The following ZMYM2 variants were observed in gnomAD, a reference collection of about 807,000 sequenced individuals.
The protein encoded by ZMYM2 is zinc finger MYM-type protein 2.
In ZMYM2, 56 loss-of-function variants were observed where a neutral mutation model predicts 162.8. The ratio of observed to expected loss-of-function variants is 0.34; its 90% CI spans 0.28 to 0.43. The LOEUF (loss-of-function observed/expected upper bound fraction) is 0.43, where lower values mean the gene tolerates loss of function less well. Ranked by LOEUF, ZMYM2 falls within the 20% of genes least tolerant of loss-of-function variation. The pLI, the probability that ZMYM2 is intolerant of heterozygous loss-of-function variation, is 1.00. For missense variants in ZMYM2, 1,275 were observed against 1,621.8 expected, an observed-to-expected ratio of 0.79 and a Z score of 3.67; for synonymous variants, 510 against 541.6, an observed-to-expected ratio of 0.94 and a Z score of 0.81.
intron 6 of ZMYM2, among the ~76,000 whole-genome samples, chr13:20,011,682 C>A (rs866835422): frequency 4.7e-5 from 7 of 150,434 alleles, no homozygotes; most frequent in African/African-American, 1.7e-4. Context: ...TTGGTTCAAG[C>A]GATTCTCTTG....
intron 18 of ZMYM2, among the ~76,000 whole-genome samples, chr13:20,063,816 A>AATATATAAATATATATTTATATATTAT (rs1956422439): frequency 1.4e-5 from 2 of 146,882 alleles, no homozygotes; most frequent in African/African-American, 2.5e-5. Flanking sequence ...TAATATATAT[A>AATATATAAATATATATTTATATATTAT]ATACATAAAT....
the ZMYM2 span, among the ~76,000 whole-genome samples, chr13:19,886,309 C>T: frequency 6.6e-6 from 1 of 150,982 alleles, no homozygotes; most frequent in Non-Finnish European, 1.5e-5. Flanking sequence ...GGATTACAGG[C>T]GTACACCACC....
At chr13:19,994,046 T>C in intron 3 of ZMYM2, 127 bp downstream of exon 3, 1 of 1,148,522 alleles carries the variant, frequency 8.7e-7, no homozygotes, top group Non-Finnish European at 1.2e-6. Context: ...TTATATTGAA[T>C]TTTATCTTAA....
intron 13 of ZMYM2, 27 bp from the exon 14 acceptor site, chr13:20,052,250 T>C (rs1000818637): frequency 1.3e-6 from 2 of 1,535,800 alleles, no homozygotes; most frequent in South Asian, 1.2e-5. Context: ...GTATTTGTCT[T>C]ATTTTAAATT....
At chr13:20,019,061 C>G (rs937705183) in intron 6 of ZMYM2, among the ~76,000 whole-genome samples, 1 of 103,570 alleles carries the variant, frequency 9.7e-6, no homozygotes, top group Non-Finnish European at 2.0e-5. Context: ...GCGTGGGTGA[C>G]AAAGCAAAAA....
chr13:19,927,430 C>G, the ZMYM2 span, among the ~76,000 whole-genome samples: 598 of 152,282 alleles, frequency 3.9e-3, 4 homozygotes, highest in Middle Eastern at 0.024. Flanking sequence ...AGTTATGATA[C>G]TCTATGTGGT....
chr13:20,025,279 A>C, intron 7 of ZMYM2: 1 of 200,784 alleles, frequency 5.0e-6, no homozygotes, highest in Non-Finnish European at 1.0e-5. Flanking sequence ...GAAAATGGAT[A>C]CAATTATTTT....
At chr13:20,005,281 G>T in intron 5 of ZMYM2, 42 bp downstream of exon 5, 1 of 1,392,998 alleles carries the variant, frequency 7.2e-7, no homozygotes, top group South Asian at 1.4e-5. Flanking sequence ...TAACAAATAG[G>T]AATATTTTAA....
chr13:20,052,286 G>T lies in ZMYM2; in HGVS notation c.2468G>T (p.Cys823Phe), dbSNP rs1258200730. Reference protein sequence around the residue: ...GPENLHYDQGCQTSRTKMTGS... With the variant: ...GPENLHYDQGFQTSRTKMTGS... The stretch of plus-strand genomic sequence containing the variant: ...TTTTTGTGTTTTTTAGATCAGGGTT[G>T]TCAGACATCTCGAACCAAAATGACA... Residue 823 changes from cysteine (C) to phenylalanine (F), a missense_variant, in exon 14 of 25, where the codon TGT (cysteine) becomes TTT (phenylalanine). This residue lies in a region of ZMYM2 where 177 missense variants were observed against 228.0 expected (regional missense o/e 0.78). Transcript: ENST00000610343. The T allele has an allele frequency of 1.3e-6, 2 of 1,568,038 alleles. No homozygotes were observed. The highest frequency in any genetic ancestry group is 4.6e-5 in the East Asian group (2 of 43,162).
At chr13:20,059,323 T>C (rs1294253588) in intron 15 of ZMYM2, 124 bp from the exon 16 acceptor site, 1 of 892,712 alleles carries the variant, frequency 1.1e-6, no homozygotes, top group Non-Finnish European at 1.5e-6. Flanking sequence ...TTAAAAAAAC[T>C]GGGAATTAAA....
chr13:19,884,054 GGCC>G, the ZMYM2 span, among the ~76,000 whole-genome samples: 1 of 152,240 alleles, frequency 6.6e-6, no homozygotes, highest in Non-Finnish European at 1.5e-5. Context: ...CCCCGGGCGT[GGCC>G]TATATATAAA....
At chr13:20,071,340 G>A (rs1156396068) in intron 21 of ZMYM2, among the ~76,000 whole-genome samples, 1 of 152,176 alleles carries the variant, frequency 6.6e-6, no homozygotes, top group Non-Finnish European at 1.5e-5. Flanking sequence ...CAAAGGATTG[G>A]ACAAAATGCG....
Position 20,026,061 on chromosome 13 carries a change from C to T in ZMYM2, c.1585-551C>T, listed in dbSNP as rs528507854. 7.2e-5 allele frequency: 11 copies of T among 151,782 alleles called. No individual in the cohort carries two copies. The South Asian group carries it at 1.9e-3, about 26-fold the overall frequency. 9.4% of individuals were successfully genotyped at this position (151,782 alleles called of 1,614,324 possible). On this transcript the variant is annotated intron_variant, in intron 7 of 24. Transcript: ENST00000610343. ...GAATGTGGTTTAAATTTTTTTAATT[C>T]AAAAAAATTTTTTTATTTTATTGTG...
At position 20,048,580 on chromosome 13, in the gene ZMYM2, A is replaced by C. The variant is rs143925360; in HGVS notation, c.2293-2853A>C. Among the ~76,000 whole-genome samples, 202 of 152,108 alleles carry C rather than the reference A, an allele frequency of 1.3e-3. 1 individual carries two copies. The highest frequency in any genetic ancestry group is 1.7e-3 in the Non-Finnish European group (116 of 67,868). ...TGGAAAATTAGGTTTGTTTGGTGAA[A>C]TAGGGAGCAAATGGATAGGAAAGTT... On this transcript the variant is annotated intron_variant, in intron 12 of 24. Transcript: ENST00000610343.
chr13:19,951,857 C>T, the ZMYM2 span, among the ~76,000 whole-genome samples: 3 of 152,094 alleles, frequency 2.0e-5, no homozygotes, highest in Non-Finnish European at 4.4e-5. Context: ...AAATTGACTA[C>T]CATGTGATCC....
intron 21 of ZMYM2, among the ~76,000 whole-genome samples, chr13:20,080,052 T>C (rs1957808580): frequency 1.3e-5 from 2 of 152,208 alleles, no homozygotes; most frequent in South Asian, 2.1e-4. Flanking sequence ...GTTAAATAGC[T>C]GGAATCATGA....
At chr13:20,044,974 C>G (rs259796) in intron 12 of ZMYM2, among the ~76,000 whole-genome samples, 1 of 146,816 alleles carries the variant, frequency 6.8e-6, no homozygotes, top group Admixed American at 7.0e-5. Context: ...CACTTGAACC[C>G]GGGAGGCGGA....
chr13:19,948,547 G>A, the ZMYM2 span, among the ~76,000 whole-genome samples: 1 of 152,184 alleles, frequency 6.6e-6, no homozygotes, highest in African/African-American at 2.4e-5. Context: ...AGACATTCTG[G>A]TAATGGCAAA....
the ZMYM2 span, among the ~76,000 whole-genome samples, chr13:19,908,207 G>A: frequency 6.6e-6 from 1 of 152,024 alleles, no homozygotes; most frequent in East Asian, 1.9e-4. Flanking sequence ...AGAATCTCTT[G>A]AACCCAGGAA....
Sources: gnomAD v4.1 joint callset for allele counts (sites outside exome capture counted in the v4.1 genomes callset) on GRCh38, gnomAD v4.1.1 for gene constraint, gnomAD v4.1.1 regional missense constraint, MANE v1.5 for transcripts, NCBI Gene and HGNC (gene_info 2026-07-23, HGNC 2026-07-21) for gene names.